The following EMSY variants were observed in gnomAD, a reference collection of about 807,000 sequenced individuals.
The protein encoded by EMSY is BRCA2-interacting transcriptional repressor EMSY.
A neutral mutation model predicts 134.6 loss-of-function variants in EMSY; 26 were observed. The observed-to-expected ratio is 0.19, with a 90% CI of 0.14 to 0.27. EMSY has a LOEUF of 0.27. Among genes scored for constraint, EMSY ranks in the 10% least tolerant of loss-of-function variants. The pLI, the probability that EMSY is intolerant of heterozygous loss-of-function variation, is 1.00. For synonymous variants in EMSY, 579 were observed against 577.8 expected (o/e 1.00, Z -0.03); for missense variants, 1,305 against 1,611.4 (o/e 0.81, Z 3.26).
At chr11:76,473,152 T>A (rs1373920961) in intron 8 of EMSY, among the ~76,000 whole-genome samples, 1 of 152,180 alleles carries the variant, frequency 6.6e-6, no homozygotes, top group Non-Finnish European at 1.5e-5. Flanking sequence ...AATGAAATTT[T>A]TAAATGAGAA....
At chr11:76,472,714 T>C (rs1366596263) in exon 8 of EMSY, 1 of 1,614,026 alleles carries the variant, frequency 6.2e-7, no homozygotes. Context: ...TGCTTCACAG[T>C]CCTCTCTGGT....
At chr11:76,552,836 C>T (rs1951868312), downstream of EMSY, 1 of 152,188 alleles carries the variant, frequency 6.6e-6, no homozygotes, top group East Asian at 1.9e-4. Context: ...CACTCCTCTA[C>T]TTTCTGCCTC....
intron 9 of EMSY, among the ~76,000 whole-genome samples, chr11:76,500,649 A>G (rs1949826359): frequency 6.6e-6 from 1 of 152,206 alleles, no homozygotes; most frequent in Non-Finnish European, 1.5e-5. Flanking sequence ...ATCAACCAGC[A>G]GTTAATAGAG....
rs570073184 is a variant in EMSY, at chr11:76,523,270, C to T, written c.1800C>T (p.Val600=). Residue 600 remains valine, a synonymous_variant, in exon 12 of 21, where the codon GTC becomes GTT. Coordinates refer to ENST00000334736, the Ensembl canonical transcript of EMSY. ...AAGGCCTCCCGGGCAAAAATGTTGT[C>T]ACAACGTTGCTAAATGCTGGAGTAA... is the stretch of plus-strand genomic sequence containing the variant. The T allele has an allele frequency of 5.0e-6, 8 of 1,612,938 alleles. No individual in the cohort carries two copies. In the East Asian group the frequency reaches 1.1e-4, roughly 22 times the overall value.
Position 76,542,262 on chromosome 11 carries a change from C to T in EMSY, c.2604C>T (p.Thr868=), listed in dbSNP as rs780441577. The T allele has an allele frequency of 2.5e-6, 4 of 1,614,068 alleles. No homozygotes were observed. The African/African-American group carries it at 5.3e-5, about 22-fold the overall frequency. The change falls in exon 18 of 21, where the codon ACC becomes ACT. Residue 868 remains threonine, a synonymous_variant. Coordinates refer to ENST00000334736, the Ensembl canonical transcript of EMSY. ...AACAGCCTTCCCAGCCCCAGCGGACCCTGCTCCAGCATGTGGCTCAGTCAC... is the reference window on the plus strand; with the variant it reads ...AACAGCCTTCCCAGCCCCAGCGGACTCTGCTCCAGCATGTGGCTCAGTCAC...
chr11:76,472,253 A>C (rs1412791352), intron 7 of EMSY, among the ~76,000 whole-genome samples: 1 of 152,214 alleles, frequency 6.6e-6, no homozygotes, highest in Non-Finnish European at 1.5e-5. Flanking sequence ...ATGAATGTTT[A>C]AATTACTTTC....
Position 76,536,950 on chromosome 11 carries a change from A to G in EMSY, c.2360-845A>G, listed in dbSNP as rs1951245293. On this transcript the variant is annotated intron_variant, in intron 15 of 20. Transcript: ENST00000334736. ...TTGTCAGGTTATGTACTCAGTGGGT[A>G]TGAACATTCAGTGGACTTAGTTACT... 2.6e-5 allele frequency among the ~76,000 whole-genome samples: 4 copies of G among 152,202 alleles called. 1 individual carries two copies. The highest frequency in any genetic ancestry group is 5.9e-5 in the Non-Finnish European group (4 of 68,032).
At chr11:76,499,496 C>A (rs1949778709) in intron 9 of EMSY, among the ~76,000 whole-genome samples, 1 of 151,748 alleles carries the variant, frequency 6.6e-6, no homozygotes, top group Non-Finnish European at 1.5e-5. Context: ...ACCGTGTTAT[C>A]CAGGATGGTC....
chr11:76,483,827 T>C (rs1949076229), intron 8 of EMSY, among the ~76,000 whole-genome samples: 1 of 152,118 alleles, frequency 6.6e-6, no homozygotes, highest in Admixed American at 6.6e-5. Flanking sequence ...ACTGTCAATA[T>C]TAGAAAGATC....
intron 12 of EMSY, among the ~76,000 whole-genome samples, chr11:76,524,539 A>G (rs1322698761): frequency 6.7e-6 from 1 of 149,308 alleles, no homozygotes; most frequent in Non-Finnish European, 1.5e-5. Context: ...ATTAGAATTC[A>G]GATTTTCAGA....
chr11:76,513,206 A>G (rs1565334278), intron 9 of EMSY, among the ~76,000 whole-genome samples, 180 bp from the exon 11 acceptor site: 2 of 152,156 alleles, frequency 1.3e-5, no homozygotes, highest in Non-Finnish European at 2.9e-5. Flanking sequence ...CTGAAATGAG[A>G]AATAAACTAA....
chr11:76,513,530 C>T (rs1950347924), exon 10 of EMSY: 3 of 1,612,858 alleles, frequency 1.9e-6, no homozygotes, highest in Non-Finnish European at 2.5e-6. Flanking sequence ...GTAACCACTC[C>T]TACTGGTAAG....
At chr11:76,530,932 C>A (rs556319454) in intron 14 of EMSY, among the ~76,000 whole-genome samples, 2 of 152,220 alleles carry the variant, frequency 1.3e-5, no homozygotes, top group East Asian at 3.9e-4. Context: ...TTTAAAGTAA[C>A]CTTTTGATAT....
At chr11:76,468,759 A>G (rs909113737) in intron 7 of EMSY, among the ~76,000 whole-genome samples, 11 of 152,104 alleles carry the variant, frequency 7.2e-5, no homozygotes, top group African/African-American at 2.7e-4. Flanking sequence ...TTCATTTTAA[A>G]TATAACATTG....
intron 9 of EMSY, among the ~76,000 whole-genome samples, chr11:76,510,254 G>C (rs1183558921): frequency 6.6e-6 from 1 of 152,186 alleles, no homozygotes; most frequent in Non-Finnish European, 1.5e-5. Flanking sequence ...TCTGAAGGTT[G>C]GGGCAAGAGG....
chr11:76,531,964 C>T (rs1951056720), intron 14 of EMSY, among the ~76,000 whole-genome samples: 1 of 152,108 alleles, frequency 6.6e-6, no homozygotes, highest in Non-Finnish European at 1.5e-5. Context: ...TTTTATTTCT[C>T]AACTGTCTCC....
chr11:76,449,198 T>A (rs990902438), intron 2 of EMSY, among the ~76,000 whole-genome samples: 3 of 152,162 alleles, frequency 2.0e-5, no homozygotes, highest in African/African-American at 7.2e-5. Context: ...ATACCAGAAA[T>A]TCAACTAAAT....
intron 9 of EMSY, among the ~76,000 whole-genome samples, chr11:76,498,125 C>G (rs1482203096): frequency 1.3e-5 from 2 of 151,916 alleles, no homozygotes; most frequent in African/African-American, 2.4e-5. Context: ...GGAGATTTTT[C>G]TGGGTTTGTT....
chr11:76,494,652 TTCC>T (rs1949557376), intron 8 of EMSY, among the ~76,000 whole-genome samples: 1 of 1,004 alleles, frequency 1.0e-3, no homozygotes, highest in African/African-American at 2.9e-3. Context: ...TTCCTTTCCC[TTCC>T]TTCCTTCCTT....
Sources: gnomAD v4.1 joint callset for allele counts (sites outside exome capture counted in the v4.1 genomes callset) on GRCh38, gnomAD v4.1.1 for gene constraint, MANE v1.5 for transcripts, NCBI Gene and HGNC (gene_info 2026-07-23, HGNC 2026-07-21) for gene names.